Variants in EPHA3 observed in about 807,000 individuals in gnomAD.
EPHA3 encodes the protein ephrin type-A receptor 3.
In EPHA3, 42 loss-of-function variants were observed where a neutral mutation model predicts 107.1. That is an observed-to-expected ratio of 0.39 (90% CI 0.31 to 0.51). The LOEUF is 0.51. Ranked by LOEUF, EPHA3 falls within the 20% of genes least tolerant of loss-of-function variation. The pLI is 0.78. For missense variants in EPHA3, 1,183 were observed against 1,211.2 expected (o/e 0.98, Z 0.35); for synonymous variants, 461 against 424.8 (o/e 1.09, Z -1.05).
chr3:89,331,716 A>T (rs1004401379), intron 3 of EPHA3, among the ~76,000 whole-genome samples: 5 of 152,144 alleles, frequency 3.3e-5, no homozygotes. Context: ...AATTCTGTTC[A>T]TCTAAAATTA....
chr3:89,263,154 T>TG (rs1705461100), intron 3 of EPHA3, among the ~76,000 whole-genome samples: 1 of 151,916 alleles, frequency 6.6e-6, no homozygotes, highest in African/African-American at 2.4e-5. Context: ...CCATGCGTGA[T>TG]GATTCCCTCC....
Position 89,186,313 on chromosome 3 carries a change from T to C in EPHA3, c.154-23547T>C, listed in dbSNP as rs187760638. Among the ~76,000 whole-genome samples the C allele has an allele frequency of 3.5e-3, 532 of 152,224 alleles. 6 individuals are homozygous for C. Among genetic ancestry groups the C allele is most frequent in the African/African-American group, 0.012 (508 of 41,558 alleles). On this transcript the variant is annotated intron_variant, in intron 2 of 16. Transcript: ENST00000336596. ...TTTGAGGTCCAGGGACCTGTTTAAA[T>C]ACCTCTGTTCATTTTTATAATGATA...
chr3:89,388,262 C>T (rs1338289036), intron 5 of EPHA3, among the ~76,000 whole-genome samples: 1 of 152,014 alleles, frequency 6.6e-6, no homozygotes, highest in Non-Finnish European at 1.5e-5. Flanking sequence ...AACCAAATTC[C>T]ATGGTAGATT....
chr3:89,393,532 T>A (rs919098823), intron 5 of EPHA3, among the ~76,000 whole-genome samples: 1 of 152,190 alleles, frequency 6.6e-6, no homozygotes, highest in African/African-American at 2.4e-5. Flanking sequence ...TAGGAAAAAA[T>A]GAAAGTTTCA....
chr3:89,117,977 T>G (rs1707294980), intron 1 of EPHA3, among the ~76,000 whole-genome samples: 1 of 152,048 alleles, frequency 6.6e-6, no homozygotes, highest in African/African-American at 2.4e-5. Flanking sequence ...TAAGTCAGAT[T>G]GTTACTCTTT....
intron 11 of EPHA3, among the ~76,000 whole-genome samples, chr3:89,420,714 G>A (rs185526218): frequency 2.6e-5 from 4 of 151,430 alleles, no homozygotes; most frequent in Admixed American, 2.0e-4. Flanking sequence ...ATGTCTCATT[G>A]GGATTTTAGT....
intron 3 of EPHA3, among the ~76,000 whole-genome samples, chr3:89,300,151 T>C (rs544196908): frequency 6.6e-6 from 1 of 152,026 alleles, no homozygotes; most frequent in African/African-American, 2.4e-5. Flanking sequence ...GTAAATCTAA[T>C]TGACAAGAAA....
At chr3:89,259,542 GT>G (rs1050745284) in intron 3 of EPHA3, among the ~76,000 whole-genome samples, 5 of 152,074 alleles carry the variant, frequency 3.3e-5, no homozygotes, top group African/African-American at 1.2e-4. Context: ...AGAGAATACT[GT>G]TTTTTAAAAA....
intron 3 of EPHA3, among the ~76,000 whole-genome samples, chr3:89,233,631 C>T (rs1188221503): frequency 1.3e-5 from 2 of 152,042 alleles, no homozygotes; most frequent in Non-Finnish European, 2.9e-5. Context: ...TATATCGGTT[C>T]CTCAATTGGT....
chr3:89,420,436 A>T (rs1483637471), intron 11 of EPHA3, among the ~76,000 whole-genome samples: 1 of 151,526 alleles, frequency 6.6e-6, no homozygotes, highest in Non-Finnish European at 1.5e-5. Context: ...ATATATAAAA[A>T]GTGGAATTAA....
At chr3:89,122,849 T>G (rs1405499096) in intron 1 of EPHA3, among the ~76,000 whole-genome samples, 1 of 152,226 alleles carries the variant, frequency 6.6e-6, no homozygotes, top group East Asian at 1.9e-4. Flanking sequence ...TTCCTTTTAC[T>G]AAGAAGAAAA....
At chr3:89,356,526 C>T (rs1053935740) in intron 5 of EPHA3, among the ~76,000 whole-genome samples, 23 of 151,328 alleles carry the variant, frequency 1.5e-4, no homozygotes, top group Non-Finnish European at 1.5e-5. Flanking sequence ...GATTGCCATT[C>T]TAGTAAGATC....
intron 5 of EPHA3, among the ~76,000 whole-genome samples, chr3:89,370,629 C>A (rs1425345752): frequency 6.6e-6 from 1 of 151,408 alleles, no homozygotes; most frequent in Admixed American, 6.6e-5. Flanking sequence ...GCACATTGTA[C>A]ACATGTACCC....
intron 7 of EPHA3, chr3:89,399,828 T>C (rs1708922911): frequency 9.1e-7 from 1 of 1,094,060 alleles, no homozygotes; most frequent in African/African-American, 1.6e-5. Flanking sequence ...CATTGCGTGA[T>C]TCAATGAACC....
chr3:89,466,690 C>A (rs1340601546), intron 15 of EPHA3, among the ~76,000 whole-genome samples: 1 of 132,094 alleles, frequency 7.6e-6, no homozygotes, highest in African/African-American at 2.8e-5. Flanking sequence ...TGCTTCGGCT[C>A]GCGCACGGTG....
intron 3 of EPHA3, among the ~76,000 whole-genome samples, chr3:89,334,648 T>C (rs1219140549): frequency 6.6e-6 from 1 of 152,162 alleles, no homozygotes; most frequent in Non-Finnish European, 1.5e-5. Context: ...GTGTGCCAGA[T>C]ATAGGGTGCA....
chr3:89,425,401 C>T (rs1424741603), intron 11 of EPHA3, among the ~76,000 whole-genome samples: 1 of 126,278 alleles, frequency 7.9e-6, no homozygotes, highest in African/African-American at 3.4e-5. Context: ...TTTCCATCTC[C>T]CGTTTTTTTT....
At chr3:89,269,594 T>C (rs1444692125) in intron 3 of EPHA3, among the ~76,000 whole-genome samples, 1 of 150,930 alleles carries the variant, frequency 6.6e-6, no homozygotes, top group African/African-American at 2.4e-5. Context: ...GTGACAACAA[T>C]TTTTTTTTCT....
intron 15 of EPHA3, among the ~76,000 whole-genome samples, chr3:89,460,971 C>T (rs1339131103): frequency 8.4e-6 from 1 of 119,414 alleles, no homozygotes; most frequent in Non-Finnish European, 1.7e-5. Context: ...TGCTATCCCT[C>T]CCCCCTCCCC....
Sources: allele counts gnomAD v4.1 joint callset (sites outside exome capture counted in the v4.1 genomes callset), GRCh38; gene constraint gnomAD v4.1.1; transcripts MANE v1.5; gene names NCBI Gene and HGNC (gene_info 2026-07-23, HGNC 2026-07-21).